PCDHGB1: variants seen among roughly 807,000 people sequenced by gnomAD.
PCDHGB1 encodes protocadherin gamma subfamily B, 1.
PCDHGB1 carries 34 observed loss-of-function variants against 56.6 expected under a neutral mutation model. That is an observed-to-expected ratio of 0.60 (90% CI 0.46 to 0.80). The LOEUF (loss-of-function observed/expected upper bound fraction) is 0.80, where lower values mean the gene tolerates loss of function less well. Ranked by LOEUF, PCDHGB1 falls within the 30% of genes least tolerant of loss-of-function variation. The probability of loss-of-function intolerance (pLI) is 0.00; values close to 1 mark genes in which losing one functional copy is unlikely to be tolerated. For missense variants in PCDHGB1, 1,278 were observed against 1,204.6 expected (o/e 1.06, Z -0.90); for synonymous variants, 561 against 505.9 (o/e 1.11, Z -1.46).
chr5:141,361,243 A>G, intron 1 of PCDHGB1: 2 of 1,614,012 alleles, frequency 1.2e-6, no homozygotes, highest in Non-Finnish European at 1.7e-6. Context: ...CGCCTTGATA[A>G]AAACGAGAGA....
rs2096370584 is a variant in PCDHGB1 at position 141,419,372 on chromosome 5, G to A, written c.2409+66703G>A. On this transcript the variant is annotated intron_variant, in intron 1 of 3. Coordinates refer to ENST00000523390, the MANE Select transcript of PCDHGB1 (RefSeq NM_018922.3). The stretch of plus-strand genomic sequence containing the variant: ...GGAGTCACGAACGCTGTCGTCCTAC[G>A]TGTCCGTGAGCGCGCAGAGCGGGGT... 2 of 1,613,728 alleles carry A rather than the reference G, an allele frequency of 1.2e-6. No homozygotes were observed. Among genetic ancestry groups the A allele is most frequent in the South Asian group, 1.1e-5 (1 of 91,088 alleles).
In PCDHGB1 at chr5:141,355,299, C is replaced by T. The variant is rs537879124; in HGVS notation, c.2409+2630C>T. On this transcript the variant is annotated intron_variant, in intron 1 of 3. Transcript: ENST00000523390. ...AAATCAGGGCCGAACAGATTCTCTA[C>T]TCGGTGTTTGAGGAGCAGGAAGAAG... 2.9e-4 allele frequency: 464 copies of T among 1,613,922 alleles called. 4 individuals carry two copies. In the East Asian group the frequency reaches 7.4e-3, roughly 26 times the overall value.
chr5:141,421,532 C>T lies in PCDHGB1; in HGVS notation c.2409+68863C>T, dbSNP rs557991200. On this transcript the variant is annotated intron_variant, in intron 1 of 3. Transcript: ENST00000523390. ...GAGGAGCTCTGTGAGACGGTGTCCT[C>T]CTGTTTTTTAAATATGGAACTTCTC... The T allele has an allele frequency of 1.4e-5, 23 of 1,613,996 alleles. No individual in the cohort carries two copies. In the African/African-American group the frequency reaches 2.4e-4, roughly 17 times the overall value.
chr5:141,444,893 G>T (rs1238224263), intron 1 of PCDHGB1, among the ~76,000 whole-genome samples: 1 of 152,160 alleles, frequency 6.6e-6, no homozygotes, highest in Admixed American at 6.5e-5. Flanking sequence ...TTTTGAATGG[G>T]ATGGCATTGC....
intron 2 of PCDHGB1, 143 bp downstream of exon 2, chr5:141,495,008 G>A (rs2099758236): frequency 6.6e-7 from 1 of 1,521,900 alleles, no homozygotes; most frequent in Non-Finnish European, 8.8e-7. Context: ...TGGTGTGCGG[G>A]GGGCTGGCAC....
chr5:141,431,190 A>G lies in PCDHGB1; in HGVS notation c.2410-63617A>G, dbSNP rs1363655439. 1 of 1,614,228 alleles carries G rather than the reference A, an allele frequency of 6.2e-7. No homozygotes were observed. Among genetic ancestry groups the G allele is most frequent in the Non-Finnish European group, 8.5e-7 (1 of 1,180,038 alleles). ...AGTGAATTAGAAATAAAAATTAGTGAAAATGCAGCCACTGAGATGCGGTTC... is the reference window on the plus strand; with the variant it reads ...AGTGAATTAGAAATAAAAATTAGTGGAAATGCAGCCACTGAGATGCGGTTC... On this transcript the variant is annotated intron_variant, in intron 1 of 3. Transcript: ENST00000523390. This position sits in a 1 kb window ranked among gnomAD's most constrained non-coding sequence, Gnocchi z 4.8.
In PCDHGB1 at chr5:141,431,463, C is replaced by T. The variant is rs139195027; in HGVS notation, c.2410-63344C>T. Reference sequence around the variant, plus strand: ...CGCATCCGCGTGATGGTTCTGGATGCGAACGACAACGCACCAGCGTTTGCT... The same window carrying T: ...CGCATCCGCGTGATGGTTCTGGATGTGAACGACAACGCACCAGCGTTTGCT... On this transcript the variant is annotated intron_variant, in intron 1 of 3. Transcript: ENST00000523390. The surrounding 1 kb of genome is among the most constrained non-coding windows in gnomAD (Gnocchi z 4.8). The T allele has an allele frequency of 3.5e-3, 5,640 of 1,613,740 alleles. 51 individuals are homozygous for T. Among genetic ancestry groups the T allele is most frequent in the South Asian group, 0.02 (1,825 of 91,088 alleles).
chr5:141,421,945 AT>A (rs1473318347), intron 1 of PCDHGB1: 1 of 1,613,342 alleles, frequency 6.2e-7, no homozygotes, highest in Non-Finnish European at 8.5e-7. Flanking sequence ...AAATGATCAC[AT>A]CCCAATGTTT....
At chr5:141,366,166 C>T (rs764048783) in intron 1 of PCDHGB1, 1 of 1,614,076 alleles carries the variant, frequency 6.2e-7, no homozygotes. Flanking sequence ...TTAAGGCCAG[C>T]GAGCCAGGAC....
At chr5:141,360,569 C>A in intron 1 of PCDHGB1, 1 of 1,613,934 alleles carries the variant, frequency 6.2e-7, no homozygotes. Flanking sequence ...ATTGGCGAAT[C>A]CACTAAGCCA....
chr5:141,383,346 G>A, intron 1 of PCDHGB1: 3 of 1,614,018 alleles, frequency 1.9e-6, no homozygotes, highest in Non-Finnish European at 2.5e-6. Context: ...CAGCTCCTGG[G>A]GTTCGGTTTC....
At chr5:141,360,217 G>C (rs749014540) in intron 1 of PCDHGB1, 1 of 1,613,398 alleles carries the variant, frequency 6.2e-7, no homozygotes, top group Non-Finnish European at 8.5e-7. Flanking sequence ...GTTCCCCGGG[G>C]CTCTCCCAGT....
In PCDHGB1 at chr5:141,477,428, T is replaced by C; in HGVS notation, c.2410-17379T>C. On this transcript the variant is annotated intron_variant, in intron 1 of 3. Transcript: ENST00000523390. The surrounding 1 kb of genome is among the most constrained non-coding windows in gnomAD (Gnocchi z 4.9). ...CCGAGACGCCGGAACCCCTTCCCTC[T>C]CAGCCCTTACAATAGTGCGTGTTCA... The C allele has an allele frequency of 6.2e-7, 1 of 1,614,142 alleles. No individual in the cohort carries two copies. Among genetic ancestry groups the C allele is most frequent in the Non-Finnish European group, 8.5e-7 (1 of 1,180,036 alleles).
At chr5:141,395,506 G>A in intron 1 of PCDHGB1, 1 of 433,794 alleles carries the variant, frequency 2.3e-6, no homozygotes, top group East Asian at 4.4e-5. Flanking sequence ...CACTTAAGAA[G>A]TAGCTACCCG....
Position 141,487,830 on chromosome 5 carries a change from T to C in PCDHGB1, c.2410-6977T>C, listed in dbSNP as rs1410090651. On this transcript the variant is annotated intron_variant, in intron 1 of 3. Transcript: ENST00000523390. This position sits in a 1 kb window ranked among gnomAD's most constrained non-coding sequence, Gnocchi z 5.0. ...TTTAGCATTGGGGGCGGGTCATGCC[T>C]ATATCTGAGTAAGAAATGAAAGTAA... The C allele has an allele frequency of 3.5e-6, 4 of 1,139,942 alleles. No homozygotes were observed. The highest frequency in any genetic ancestry group is 1.6e-5 in the African/African-American group (1 of 63,734). The allele number at this position is 1,139,942 out of a possible 1,614,324, so 70.6% of individuals were successfully genotyped here.
intron 1 of PCDHGB1, among the ~76,000 whole-genome samples, chr5:141,453,216 C>T (rs565229516): frequency 8.5e-5 from 13 of 152,080 alleles, no homozygotes; most frequent in Non-Finnish European, 1.0e-4. Context: ...TGCACTTAAG[C>T]GATCCTCCCA....
chr5:141,370,114 A>G (rs768527026), intron 1 of PCDHGB1: 72 of 376,222 alleles, frequency 1.9e-4, no homozygotes, highest in Non-Finnish European at 2.7e-4. Flanking sequence ...TCTCCTAACT[A>G]GCTCCTTATT....
chr5:141,468,651 G>C (rs2099171216), intron 1 of PCDHGB1: 1 of 152,018 alleles, frequency 6.6e-6, no homozygotes, highest in African/African-American at 2.4e-5. Context: ...CGGATCACAA[G>C]GTCAGGAGAT....
chr5:141,469,517 G>A (rs1416478511), intron 1 of PCDHGB1, among the ~76,000 whole-genome samples: 1 of 152,198 alleles, frequency 6.6e-6, no homozygotes, highest in Non-Finnish European at 1.5e-5. Flanking sequence ...GGAGGTTGCA[G>A]TGAGCCAAGA....
Sources: allele counts gnomAD v4.1 joint callset (sites outside exome capture counted in the v4.1 genomes callset), GRCh38; gene constraint gnomAD v4.1.1; non-coding constraint Gnocchi (gnomAD v3.1); transcripts MANE v1.5; gene names NCBI Gene and HGNC (gene_info 2026-07-23, HGNC 2026-07-21).